The following C11orf65 variants were observed in gnomAD, a reference collection of about 807,000 sequenced individuals.
The protein encoded by C11orf65 is protein MFI.
In C11orf65, 38 loss-of-function variants were observed where a neutral mutation model predicts 35.3. The ratio of observed to expected loss-of-function variants is 1.08; its 90% CI spans 0.83 to 1.41. The LOEUF (loss-of-function observed/expected upper bound fraction) is 1.41, where lower values mean the gene tolerates loss of function less well. C11orf65 is among the 40% of genes most tolerant of loss of function. The pLI, the probability that C11orf65 is intolerant of heterozygous loss-of-function variation, is 0.00. For missense variants in C11orf65, 370 were observed against 367.1 expected (o/e 1.01, Z -0.06); for synonymous variants, 105 against 114.4 (o/e 0.92, Z 0.53).
At chr11:108,335,227 G>A (rs771106354) in exon 3 of C11orf65, 2 of 1,565,078 alleles carry the variant, frequency 1.3e-6, no homozygotes, top group African/African-American at 1.4e-5. Flanking sequence ...TACAAATGAG[G>A]AAGATTTGTA....
rs1212603628 is a variant in C11orf65 at position 108,408,018 on chromosome 11, ATTATTATTATT to A, written c.175-880_175-870del. 5.2e-4 allele frequency among the ~76,000 whole-genome samples: 76 copies of A among 146,346 alleles called. 1 individual carries two copies. Among genetic ancestry groups the A allele is most frequent in the African/African-American group, 1.9e-3 (75 of 40,206 alleles). ...TCTTTTTATTATTATTATTATTATTATTATTATTATTTTATTATTACACTTTAAGTTTTAGG... is the reference window on the plus strand; with the variant it reads ...TCTTTTTATTATTATTATTATTATTATTATTATTACACTTTAAGTTTTAGG... On this transcript the variant is annotated intron_variant, in intron 3 of 8. Transcript: ENST00000393084.
intron 2 of C11orf65, among the ~76,000 whole-genome samples, chr11:108,363,246 C>G (rs2090997844): frequency 6.6e-6 from 1 of 152,146 alleles, no homozygotes; most frequent in Non-Finnish European, 1.5e-5. Context: ...CTTTTCTTCT[C>G]TTAGATTTCA....
At chr11:108,444,469 G>A (rs1056486234) in intron 2 of C11orf65, among the ~76,000 whole-genome samples, 1 of 152,142 alleles carries the variant, frequency 6.6e-6, no homozygotes, top group Non-Finnish European at 1.5e-5. Context: ...CTCATTTTAT[G>A]AGGCCAACAT....
At chr11:108,418,529 T>G (rs2092772721) in intron 3 of C11orf65, among the ~76,000 whole-genome samples, 1 of 152,090 alleles carries the variant, frequency 6.6e-6, no homozygotes, top group Non-Finnish European at 1.5e-5. Flanking sequence ...AGATAAAAAT[T>G]TATGTCCTTA....
In C11orf65 at chr11:108,447,570, C is replaced by T. The variant is rs1454919834; in HGVS notation, c.81+13909G>A. 1.5e-3 allele frequency among the ~76,000 whole-genome samples: 224 copies of T among 152,062 alleles called. 1 individual carries two copies. Among genetic ancestry groups the T allele is most frequent in the African/African-American group, 4.0e-3 (165 of 41,472 alleles). On this transcript the variant is annotated intron_variant, in intron 2 of 8. Coordinates refer to ENST00000393084, the MANE Select transcript of C11orf65 (RefSeq NM_152587.5). ...AACAAAATGAAGGCAGAAATAAAGA[C>T]GTTCTTTGAAACCAACGAGAACAAA... is the stretch of plus-strand genomic sequence containing the variant.
intron 2 of C11orf65, among the ~76,000 whole-genome samples, chr11:108,445,825 A>C (rs1012088030): frequency 1.3e-5 from 2 of 152,166 alleles, no homozygotes; most frequent in Non-Finnish European, 2.9e-5. Flanking sequence ...AACGACTCCG[A>C]GCTACAGGAG....
chr11:108,425,780 A>T (rs1330749978), intron 3 of C11orf65, among the ~76,000 whole-genome samples: 1 of 152,208 alleles, frequency 6.6e-6, no homozygotes, highest in African/African-American at 2.4e-5. Flanking sequence ...CTAGCAGCAC[A>T]TCAAAAAGCG....
At chr11:108,464,047 CTCCTGAG>C (rs2093503197) in intron 1 of C11orf65, among the ~76,000 whole-genome samples, 1 of 151,546 alleles carries the variant, frequency 6.6e-6, no homozygotes, top group Non-Finnish European at 1.5e-5. Flanking sequence ...ATGTCTCAGC[CTCCTGAG>C]TAGCTGGGAT....
intron 6 of C11orf65, among the ~76,000 whole-genome samples, chr11:108,325,063 T>A (rs1192834348): frequency 2.0e-5 from 3 of 151,918 alleles, no homozygotes; most frequent in Non-Finnish European, 4.4e-5. Context: ...GTATTAAAAA[T>A]TTTTTTTGAT....
chr11:108,392,987 T>C (rs1054712286), intron 7 of C11orf65, among the ~76,000 whole-genome samples: 12 of 152,190 alleles, frequency 7.9e-5, no homozygotes, highest in African/African-American at 2.7e-4. Context: ...AGTCTAAGAA[T>C]AAAGAGTCCT....
At position 108,348,590 on chromosome 11, in the gene C11orf65, G is replaced by A. The variant is rs537549914; in HGVS notation, c.227-13298C>T. 2.6e-5 allele frequency among the ~76,000 whole-genome samples: 4 copies of A among 151,874 alleles called. No individual in the cohort carries two copies. The South Asian group carries it at 6.2e-4, about 24-fold the overall frequency. On this transcript the variant is annotated intron_variant, in intron 2 of 3. Coordinates refer to the C11orf65 transcript ENST00000524755. The stretch of plus-strand genomic sequence containing the variant: ...GAAAGAAGTGTGAATGTAATGTAAA[G>A]AAGTGTGAATGTAATGACAAACTTC...
intron 6 of C11orf65, chr11:108,317,243 T>C: frequency 2.2e-6 from 2 of 911,956 alleles, no homozygotes; most frequent in Admixed American, 4.4e-5. Context: ...CCAGCTGATA[T>C]TTTGGGATTT....
chr11:108,335,915 G>A (rs2136697607), intron 2 of C11orf65: 1 of 1,614,012 alleles, frequency 6.2e-7, no homozygotes, highest in Non-Finnish European at 8.5e-7. Context: ...TTACTGCAGA[G>A]AAACACGGAA....
intron 3 of C11orf65, chr11:108,331,592 T>G (rs1436436394): frequency 1.3e-6 from 2 of 1,541,444 alleles, no homozygotes; most frequent in Non-Finnish European, 1.8e-6. Context: ...ACAATAATTA[T>G]TTTTATTCTA....
chr11:108,459,456 C>G (rs1225871355), intron 2 of C11orf65, among the ~76,000 whole-genome samples: 1 of 152,076 alleles, frequency 6.6e-6, no homozygotes, highest in Non-Finnish European at 1.5e-5. Flanking sequence ...CTCCTTCCAG[C>G]TCTTTTAAAT....
chr11:108,343,404 A>C, intron 2 of C11orf65: 1 of 1,612,116 alleles, frequency 6.2e-7, no homozygotes, highest in Non-Finnish European at 8.5e-7. Flanking sequence ...GGTTATTGTA[A>C]GATTATTTAA....
downstream of C11orf65, among the ~76,000 whole-genome samples, chr11:108,378,515 A>T (rs552948259): frequency 4.3e-4 from 55 of 127,604 alleles, no homozygotes; most frequent in East Asian, 1.6e-3. Context: ...TTAGACCTAA[A>T]ACCATAAAAA....
At chr11:108,338,884 T>G (rs531500184) in intron 2 of C11orf65, among the ~76,000 whole-genome samples, 5 of 152,316 alleles carry the variant, frequency 3.3e-5, no homozygotes, top group Admixed American at 2.0e-4. Context: ...TTCCCTAGAC[T>G]ACAGCGAAGT....
At chr11:108,349,395 T>C (rs1565571698) in intron 2 of C11orf65, among the ~76,000 whole-genome samples, 2 of 152,146 alleles carry the variant, frequency 1.3e-5, no homozygotes. Flanking sequence ...CCAGGCGCGG[T>C]GGATCACACC....
Sources: allele counts gnomAD v4.1 joint callset (sites outside exome capture counted in the v4.1 genomes callset), GRCh38; gene constraint gnomAD v4.1.1; transcripts MANE v1.5; gene names NCBI Gene and HGNC (gene_info 2026-07-23, HGNC 2026-07-21).